The following EFNA5 variants were observed in gnomAD, a reference collection of about 807,000 sequenced individuals.
EFNA5 encodes ephrin-A5.
Under a neutral mutation model 22.9 loss-of-function variants are expected in EFNA5, and 5 were observed. That is an observed-to-expected ratio of 0.22 (90% CI 0.11 to 0.46). The LOEUF is 0.46. Among genes scored for constraint, EFNA5 ranks in the 20% least tolerant of loss-of-function variants. EFNA5 has a pLI of 0.99. For missense variants in EFNA5, 237 were observed against 293.3 expected (o/e 0.81, Z 1.40); for synonymous variants, 113 against 112.2 (o/e 1.01, Z -0.04).
chr5:107,413,070 A>T (rs966743590), intron 2 of EFNA5, among the ~76,000 whole-genome samples: 3 of 152,220 alleles, frequency 2.0e-5, no homozygotes, highest in Admixed American at 6.5e-5. Flanking sequence ...TTATTAAACT[A>T]GCACTTCAAC....
intron 1 of EFNA5, among the ~76,000 whole-genome samples, chr5:107,572,146 G>T (rs997877797): frequency 1.3e-5 from 2 of 151,982 alleles, no homozygotes; most frequent in Non-Finnish European, 2.9e-5. Context: ...TGCGTGATGT[G>T]AGTTACTCTG....
chr5:107,469,955 G>A (rs1580473136), intron 1 of EFNA5, among the ~76,000 whole-genome samples: 1 of 152,172 alleles, frequency 6.6e-6, no homozygotes, highest in African/African-American at 2.4e-5. Flanking sequence ...CAAATTAGGA[G>A]GACATTAACA....
At chr5:107,630,969 C>G (rs1750237339) in intron 1 of EFNA5, among the ~76,000 whole-genome samples, 1 of 152,088 alleles carries the variant, frequency 6.6e-6, no homozygotes, top group South Asian at 2.1e-4. Flanking sequence ...CACATCTTGT[C>G]CTGCTGAAAA....
At chr5:107,417,022 CA>C (rs1182901573) in intron 2 of EFNA5, among the ~76,000 whole-genome samples, 1 of 151,314 alleles carries the variant, frequency 6.6e-6, no homozygotes, top group Non-Finnish European at 1.5e-5. Flanking sequence ...AAAAATCAGA[CA>C]AAGCAAATTT....
chr5:107,597,960 A>C (rs62355632), intron 1 of EFNA5, among the ~76,000 whole-genome samples: 35,217 of 152,132 alleles, frequency 0.23, 4,576 homozygotes, highest in Middle Eastern at 0.38. Context: ...GCACACTAAC[A>C]TGGATCTCTA....
At chr5:107,526,728 T>G (rs1747701793) in intron 1 of EFNA5, among the ~76,000 whole-genome samples, 1 of 152,140 alleles carries the variant, frequency 6.6e-6, no homozygotes, top group South Asian at 2.1e-4. Flanking sequence ...CCCTAGGAGA[T>G]CAGAAGGAGA....
At chr5:107,450,788 A>G (rs1051291989) in intron 1 of EFNA5, among the ~76,000 whole-genome samples, 3 of 152,222 alleles carry the variant, frequency 2.0e-5, no homozygotes, top group Non-Finnish European at 2.9e-5. Flanking sequence ...AAACCACTCA[A>G]ACCAATGAGG....
At chr5:107,519,725 A>G (rs1370495038) in intron 1 of EFNA5, among the ~76,000 whole-genome samples, 1 of 152,186 alleles carries the variant, frequency 6.6e-6, no homozygotes, top group Non-Finnish European at 1.5e-5. Context: ...GACTTAGTCT[A>G]AAAAAATATG....
At chr5:107,643,604 C>T (rs1400072690) in intron 1 of EFNA5, among the ~76,000 whole-genome samples, 2 of 151,648 alleles carry the variant, frequency 1.3e-5, no homozygotes, top group African/African-American at 4.9e-5. Context: ...TTATTAAAAC[C>T]CCGAAGGGAA....
intron 1 of EFNA5, among the ~76,000 whole-genome samples, chr5:107,496,526 CACA>C (rs1485840309): frequency 1.3e-5 from 2 of 148,428 alleles, no homozygotes; most frequent in African/African-American, 4.9e-5. Flanking sequence ...AGTACCTTAT[CACA>C]ACGCTACCTA....
At chr5:107,665,585 T>TG (rs1751049398) in intron 1 of EFNA5, among the ~76,000 whole-genome samples, 1 of 152,236 alleles carries the variant, frequency 6.6e-6, no homozygotes, top group South Asian at 2.1e-4. Context: ...TTACTGACCT[T>TG]GGTCTTACCC....
At chr5:107,628,357 T>G (rs1750181445) in intron 1 of EFNA5, among the ~76,000 whole-genome samples, 1 of 152,176 alleles carries the variant, frequency 6.6e-6, no homozygotes, top group Non-Finnish European at 1.5e-5. Flanking sequence ...TTACACATAT[T>G]GTAATACTTT....
At chr5:107,469,132 G>A (rs1207497694) in intron 1 of EFNA5, among the ~76,000 whole-genome samples, 1 of 152,058 alleles carries the variant, frequency 6.6e-6, no homozygotes, top group African/African-American at 2.4e-5. Context: ...ATTTCAAGAT[G>A]GTAGCAGCAC....
intron 1 of EFNA5, among the ~76,000 whole-genome samples, chr5:107,543,170 G>A (rs1748080340): frequency 6.6e-6 from 1 of 152,236 alleles, no homozygotes; most frequent in Non-Finnish European, 1.5e-5. Flanking sequence ...TTACACAACA[G>A]CTGATACATC....
chr5:107,616,784 T>A (rs947353588), intron 1 of EFNA5, among the ~76,000 whole-genome samples: 1 of 152,218 alleles, frequency 6.6e-6, no homozygotes, highest in Admixed American at 6.5e-5. Context: ...AAAATCACAC[T>A]GTGAGAACTT....
chr5:107,558,095 AGAGGGG>A (rs946208501), intron 1 of EFNA5, among the ~76,000 whole-genome samples: 13 of 152,146 alleles, frequency 8.5e-5, no homozygotes, highest in Non-Finnish European at 1.8e-4. Flanking sequence ...AAAAAGTCTG[AGAGGGG>A]GAGGGGCATT....
At position 107,482,833 on chromosome 5, in the gene EFNA5, T is replaced by C. The variant is rs1241710950; in HGVS notation, c.126-55324A>G. Among the ~76,000 whole-genome samples the C allele has an allele frequency of 1.1e-4, 5 of 47,410 alleles. No homozygotes were observed. In the South Asian group the frequency reaches 2.3e-3, roughly 22 times the overall value. The allele number at this position is 47,410 out of a possible 152,430, so 31.1% of individuals were successfully genotyped here. ...CTCTCTGTCTCTCTCTCTGTCTCTG[T>C]CTCTCTCTCTCTCTCTCTCTCTCTC... On this transcript the variant is annotated intron_variant, in intron 1 of 4. Transcript: ENST00000333274.
intron 1 of EFNA5, among the ~76,000 whole-genome samples, chr5:107,622,312 A>T (rs1750052870): frequency 6.6e-6 from 1 of 152,200 alleles, no homozygotes; most frequent in Non-Finnish European, 1.5e-5. Flanking sequence ...GCACAGAATC[A>T]CCCACGAAGC....
chr5:107,572,002 A>T (rs1226885963), intron 1 of EFNA5, among the ~76,000 whole-genome samples: 1 of 152,274 alleles, frequency 6.6e-6, no homozygotes, highest in South Asian at 2.1e-4. Flanking sequence ...GTTAACAACA[A>T]AAAGAAACTG....
Sources: gnomAD v4.1 joint callset for allele counts (sites outside exome capture counted in the v4.1 genomes callset) on GRCh38, gnomAD v4.1.1 for gene constraint, MANE v1.5 for transcripts, NCBI Gene and HGNC (gene_info 2026-07-23, HGNC 2026-07-21) for gene names.